The following RNF213 variants were observed in gnomAD, a reference collection of about 807,000 sequenced individuals.
The protein encoded by RNF213 is E3 ubiquitin-protein ligase RNF213.
Under a neutral mutation model 514.4 loss-of-function variants are expected in RNF213, and 341 were observed. The ratio of observed to expected loss-of-function variants is 0.66; its 90% CI spans 0.61 to 0.73. The LOEUF is 0.73. Ranked by LOEUF, RNF213 falls within the 30% of genes least tolerant of loss-of-function variation. The probability of loss-of-function intolerance (pLI) is 0.00; values close to 1 mark genes in which losing one functional copy is unlikely to be tolerated. For synonymous variants in RNF213, 2,655 were observed against 2,658.2 expected (o/e 1.00, Z 0.04); for missense variants, 5,767 against 6,615.6 (o/e 0.87, Z 4.45).
chr17:80,294,965 G>C lies in RNF213; in HGVS notation c.1717G>C (p.Ala573Pro). ...LQQPMIYEGQAQLWTDLQYRE... is the reference protein window; with the variant it reads ...LQQPMIYEGQPQLWTDLQYRE... ...ACAGCCTATGATTTATGAAGGACAG[G>C]CACAGCTGTGGACCGATTTGCAGTA... The change falls in exon 9 of 68, where the codon GCA becomes CCA. Residue 573 changes from alanine (A) to proline (P), a missense_variant. Around this residue, in one of 13 missense-constraint regions of RNF213, gnomAD observed 592 missense variants for 673.9 expected, o/e 0.88. Coordinates refer to ENST00000582970, the MANE Select transcript of RNF213 (RefSeq NM_001256071.3). 1 of 1,614,172 alleles carries C rather than the reference G, an allele frequency of 6.2e-7. No homozygotes were observed. The highest frequency in any genetic ancestry group is 8.5e-7 in the Non-Finnish European group (1 of 1,180,030).
intron 18 of RNF213, among the ~76,000 whole-genome samples, chr17:80,326,491 C>T (rs1226616598): frequency 2.0e-5 from 3 of 152,308 alleles, no homozygotes; most frequent in South Asian, 2.1e-4. Flanking sequence ...GTCCATAGTT[C>T]GTTCCTGGTG....
In RNF213 at chr17:80,353,218, ATAGAGCACCAGGGCCGAGCAG is replaced by A; in HGVS notation, c.10423+160_10423+180del. ...CTGCAGAACTGACTGGTGGCTCATC[ATAGAGCACCAGGGCCGAGCAG>A]GTGCGCTTACCACAGGCTGAGGTAG... On this transcript the variant is annotated intron_variant, in intron 33 of 67. Transcript: ENST00000582970. This position sits in a 1 kb window ranked among gnomAD's most constrained non-coding sequence, Gnocchi z 5.0. 2 of 1,046,252 alleles carry A rather than the reference ATAGAGCACCAGGGCCGAGCAG, an allele frequency of 1.9e-6. No individual in the cohort carries two copies. The highest frequency in any genetic ancestry group is 2.9e-5 in the South Asian group (2 of 70,144). The allele number at this position is 1,046,252 out of a possible 1,614,324, so 64.8% of individuals were successfully genotyped here. A position where few individuals can be genotyped will look rare whatever the true frequency, so the allele number is the denominator to read the frequency against.
rs2079064199 is a variant in RNF213 at position 80,361,776 on chromosome 17, T to C, written c.11243T>C (p.Leu3748Pro). 3 of 1,614,092 alleles carry C rather than the reference T, an allele frequency of 1.9e-6. No homozygotes were observed. The highest frequency in any genetic ancestry group is 1.7e-6 in the Non-Finnish European group (2 of 1,179,950). Reference sequence around the variant, plus strand: ...GTGGACATCTTTCAGCAGACTCCTCTGGGCAGGTTTCTTGCCCAGCTCCAT... The same window carrying C: ...GTGGACATCTTTCAGCAGACTCCTCCGGGCAGGTTTCTTGCCCAGCTCCAT... ...KFVDIFQQTP[L>P]GRFLAQLHGE... is the part of the protein sequence containing the mutation. Residue 3748 changes from leucine to proline, a missense_variant, in exon 39 of 68, where the codon CTG becomes CCG. Leu to Pro is a moderately conservative substitution (Grantham distance 98). Coordinates refer to ENST00000582970, the MANE Select transcript of RNF213 (RefSeq NM_001256071.3).
Position 80,354,334 on chromosome 17 carries a change from T to A in RNF213, c.10727-107T>A, listed in dbSNP as rs1052130884. 3 of 1,573,266 alleles carry A rather than the reference T, an allele frequency of 1.9e-6. No homozygotes were observed. In the South Asian group the frequency reaches 3.3e-5, roughly 18 times the overall value. Reference sequence around the variant, plus strand: ...CATCTCTCAGATTTTGCTCTAGAATTGGCCTGGCCAACGGACTTCCCTTCC... The same window carrying A: ...CATCTCTCAGATTTTGCTCTAGAATAGGCCTGGCCAACGGACTTCCCTTCC... On this transcript the variant is annotated intron_variant, in intron 35 of 67. Coordinates refer to ENST00000582970, the MANE Select transcript of RNF213 (RefSeq NM_001256071.3).
At chr17:80,292,419 G>A (rs1232583373) in intron 8 of RNF213, among the ~76,000 whole-genome samples, 1 of 152,160 alleles carries the variant, frequency 6.6e-6, no homozygotes, top group African/African-American at 2.4e-5. Flanking sequence ...CAGAAGAAGG[G>A]CTGCGGCTGG....
chr17:80,375,335 G>A (rs1206089852), intron 50 of RNF213, among the ~76,000 whole-genome samples: 1 of 152,218 alleles, frequency 6.6e-6, no homozygotes, highest in Non-Finnish European at 1.5e-5. Context: ...CTTCCCTTTT[G>A]GTGGGTTGAG....
intron 13 of RNF213, among the ~76,000 whole-genome samples, chr17:80,308,797 A>G (rs2045464506): frequency 6.6e-6 from 1 of 152,208 alleles, no homozygotes; most frequent in East Asian, 1.9e-4. Context: ...TTTGGTTAGA[A>G]CAGTTGAGAC....
intron 6 of RNF213, 100 bp from the exon 7 acceptor site, chr17:80,290,468 TGC>T (rs1373479057): frequency 7.2e-7 from 1 of 1,380,570 alleles, no homozygotes; most frequent in Middle Eastern, 2.5e-4. Flanking sequence ...CATGTGTGTG[TGC>T]ACGTGTGTGT....
intron 30 of RNF213, 116 bp from the exon 31 acceptor site, chr17:80,350,185 T>C: frequency 1.3e-6 from 1 of 799,060 alleles, no homozygotes; most frequent in Non-Finnish European, 2.1e-6. Context: ...CTGAAGAAAA[T>C]CCTACCTGAG....
Position 80,348,156 on chromosome 17 carries a change from C to T in RNF213, c.9821C>T (p.Ser3274Leu), listed in dbSNP as rs139428059. 1.2e-4 allele frequency: 190 copies of T among 1,614,070 alleles called. No homozygotes were observed. In the African/African-American group the frequency reaches 2.2e-3, roughly 19 times the overall value. ...GCCGTGGTCCGGCTGAGCGCCTACT[C>T]GCTGGGCGGGTTCGCAGCGGAGTGG... ...PDAVVRLSAY[S>L]LGGFAAEWLS... The change falls in exon 29 of 68, where the codon TCG becomes TTG. Residue 3274 changes from serine (S) to leucine (L), a missense_variant. Ser to Leu is a moderately radical substitution (Grantham distance 145, BLOSUM62 -2). Transcript: ENST00000582970.
intron 21 of RNF213, 62 bp from the exon 22 acceptor site, chr17:80,334,043 G>T: frequency 6.5e-7 from 1 of 1,531,824 alleles, no homozygotes; most frequent in Non-Finnish European, 8.8e-7. Flanking sequence ...AGTGCTTGCA[G>T]CTCACAGATT....
intron 10 of RNF213, among the ~76,000 whole-genome samples, chr17:80,297,114 A>C (rs1301626755): frequency 1.3e-5 from 2 of 152,096 alleles, no homozygotes; most frequent in African/African-American, 4.8e-5. Context: ...TGACTGTAGG[A>C]GATTCACCAT....
At chr17:80,348,559 G>A (rs1348292860) in intron 29 of RNF213, among the ~76,000 whole-genome samples, 1 of 152,252 alleles carries the variant, frequency 6.6e-6, no homozygotes, top group Non-Finnish European at 1.5e-5. Flanking sequence ...ACTGGGCCAA[G>A]GGCACTAGGG....
At chr17:80,358,622 G>C (rs1478301908) in intron 37 of RNF213, 143 bp downstream of exon 37, 1 of 763,876 alleles carries the variant, frequency 1.3e-6, no homozygotes, top group African/African-American at 1.7e-5. Flanking sequence ...GTAACAATAG[G>C]AAGTTTGGCC....
Position 80,393,650 on chromosome 17 carries a change from A to G in RNF213, c.*152A>G. 2 of 766,684 alleles carry G rather than the reference A, an allele frequency of 2.6e-6. No individual in the cohort carries two copies. The highest frequency in any genetic ancestry group is 4.2e-6 in the Non-Finnish European group (2 of 477,378). The allele number at this position is 766,684 out of a possible 1,614,324, so 47.5% of individuals were successfully genotyped here. ...ATTCAAGACCAAGGCGTGCTACCTG[A>G]GCTGACAGCTTTTTGAAAGCCGAGC... On this transcript the variant is annotated 3_prime_UTR_variant, in exon 68 of 68. Transcript: ENST00000582970.
At chr17:80,261,483 C>G (rs1402920727) in intron 1 of RNF213, among the ~76,000 whole-genome samples, 2 of 152,182 alleles carry the variant, frequency 1.3e-5, no homozygotes, top group Non-Finnish European at 2.9e-5. Context: ...GCCGGCGGGC[C>G]GGGCCCTGGG....
At chr17:80,292,570 G>A (rs2044770040) in intron 8 of RNF213, among the ~76,000 whole-genome samples, 1 of 152,078 alleles carries the variant, frequency 6.6e-6, no homozygotes, top group South Asian at 2.1e-4. Flanking sequence ...GCAGGCTCCT[G>A]CTGGCTGTCA....
At position 80,353,691 on chromosome 17, in the gene RNF213, C is replaced by G; in HGVS notation, c.10578+25C>G. 6.2e-7 allele frequency: 1 copy of G among 1,614,096 alleles called. No homozygotes were observed. Among genetic ancestry groups the G allele is most frequent in the Non-Finnish European group, 8.5e-7 (1 of 1,179,940 alleles). On this transcript the variant is annotated intron_variant, in intron 34 of 67. Coordinates refer to ENST00000582970, the MANE Select transcript of RNF213 (RefSeq NM_001256071.3). The surrounding 1 kb of genome is among the most constrained non-coding windows in gnomAD (Gnocchi z 5.0). ...TGTAAGTTCTGGTTCTTGGGACCTC[C>G]CCTTGTGCTGCTGGTGATGCTTCTG...
In RNF213 at chr17:80,295,582, TGA is replaced by T; in HGVS notation, c.1782_1783del (p.Lys596ThrfsTer23). On this transcript the variant is annotated frameshift_variant, in exon 10 of 68. Coordinates refer to ENST00000582970, the MANE Select transcript of RNF213 (RefSeq NM_001256071.3). LOFTEE classifies it high-confidence loss of function. ...GTGAAGAGATACCTGTGGCAACATCTGAAAAAACACGTGGTACCATTGCCGGA... is the reference window on the plus strand; with the variant it reads ...GTGAAGAGATACCTGTGGCAACATCTAAAAACACGTGGTACCATTGCCGGA... 1 of 1,614,166 alleles carries T rather than the reference TGA, an allele frequency of 6.2e-7. No individual in the cohort carries two copies.
Sources: gnomAD v4.1 joint callset for allele counts (sites outside exome capture counted in the v4.1 genomes callset) on GRCh38, gnomAD v4.1.1 for gene constraint, gnomAD v4.1.1 regional missense constraint, Gnocchi (gnomAD v3.1) non-coding constraint, MANE v1.5 for transcripts, NCBI Gene and HGNC (gene_info 2026-07-23, HGNC 2026-07-21) for gene names.